Variants in THSD4 observed in about 807,000 individuals in gnomAD.
THSD4 encodes thrombospondin type-1 domain-containing protein 4.
In THSD4, 69 loss-of-function variants were observed where a neutral mutation model predicts 119.0. That is an observed-to-expected ratio of 0.58 (90% confidence interval 0.48 to 0.71). THSD4 has a LOEUF of 0.71. Ranked by LOEUF, THSD4 falls within the 30% of genes least tolerant of loss-of-function variation. The probability of loss-of-function intolerance (pLI) is 0.00; values close to 1 mark genes in which losing one functional copy is unlikely to be tolerated. For synonymous variants in THSD4, 524 were observed against 540.4 expected (o/e 0.97, Z 0.42); for missense variants, 1,393 against 1,391.1 (o/e 1.00, Z -0.02).
rs190533479 is a variant in THSD4 at position 71,412,498 on chromosome 15, A to G, written c.1152+675A>G. On this transcript the variant is annotated intron_variant, in intron 7 of 17. Transcript: ENST00000261862. ...TACATTAATTTGCGCTTGGACTTCTACCCTCCTTTCATCTACGTATGTATT... is the reference window on the plus strand; with the variant it reads ...TACATTAATTTGCGCTTGGACTTCTGCCCTCCTTTCATCTACGTATGTATT... Among the ~76,000 whole-genome samples the G allele has an allele frequency of 1.8e-3, 276 of 152,240 alleles. 5 individuals are homozygous for G. The highest frequency in any genetic ancestry group is 0.017 in the Admixed American group (260 of 15,292).
intron 7 of THSD4, among the ~76,000 whole-genome samples, chr15:71,641,662 C>T (rs1481726621): frequency 1.3e-5 from 2 of 152,124 alleles, no homozygotes; most frequent in Non-Finnish European, 2.9e-5. Context: ...GTGATTTTCA[C>T]TGTTTTAACA....
At position 71,251,579 on chromosome 15, in the gene THSD4, C is replaced by T. The variant is rs113738390; in HGVS notation, c.913-5034C>T. ...TTAAAAGGTTTCATGACTGTGGTGACATTAAATACATCATATGTTGCTATG... is the reference window on the plus strand; with the variant it reads ...TTAAAAGGTTTCATGACTGTGGTGATATTAAATACATCATATGTTGCTATG... On this transcript the variant is annotated intron_variant, in intron 5 of 17. Coordinates refer to ENST00000261862, the MANE Select transcript of THSD4 (RefSeq NM_024817.3). 7.6e-4 allele frequency among the ~76,000 whole-genome samples: 115 copies of T among 152,278 alleles called. 1 individual carries two copies. Among genetic ancestry groups the T allele is most frequent in the African/African-American group, 2.5e-3 (105 of 41,552 alleles).
intron 6 of THSD4, among the ~76,000 whole-genome samples, chr15:71,352,031 A>G (rs2045749743): frequency 6.6e-6 from 1 of 152,160 alleles, no homozygotes; most frequent in Non-Finnish European, 1.5e-5. Context: ...TCAACCCTGT[A>G]CTCTCACATC....
At chr15:71,426,199 G>A (rs1468654636) in intron 7 of THSD4, among the ~76,000 whole-genome samples, 1 of 152,098 alleles carries the variant, frequency 6.6e-6, no homozygotes, top group Non-Finnish European at 1.5e-5. Flanking sequence ...CCCCCAGCTG[G>A]GACACCACTT....
At chr15:71,536,037 T>C (rs558362928) in intron 7 of THSD4, among the ~76,000 whole-genome samples, 27 of 152,218 alleles carry the variant, frequency 1.8e-4, no homozygotes, top group Non-Finnish European at 3.1e-4. Flanking sequence ...TGTGTTTCCT[T>C]CTAAGAGTTT....
chr15:71,100,446 A>G (rs944195429), intron 1 of THSD4, among the ~76,000 whole-genome samples: 1 of 152,136 alleles, frequency 6.6e-6, no homozygotes, highest in Non-Finnish European at 1.5e-5. Flanking sequence ...CAAGCTTAGA[A>G]TCAGATTTTT....
intron 7 of THSD4, among the ~76,000 whole-genome samples, chr15:71,597,596 T>A (rs2049928224): frequency 6.6e-6 from 1 of 152,220 alleles, no homozygotes; most frequent in Non-Finnish European, 1.5e-5. Flanking sequence ...AAGAAAGCAC[T>A]TTTAATACTT....
chr15:71,307,519 T>C (rs112309371), intron 6 of THSD4, among the ~76,000 whole-genome samples: 3 of 152,140 alleles, frequency 2.0e-5, no homozygotes, highest in African/African-American at 7.2e-5. Flanking sequence ...CGCCTGTAAT[T>C]CCAGCACTTT....
intron 8 of THSD4, among the ~76,000 whole-genome samples, chr15:71,693,558 A>T (rs1223369243): frequency 6.6e-6 from 1 of 152,068 alleles, no homozygotes; most frequent in Admixed American, 6.6e-5. Flanking sequence ...AGGTGAGAGG[A>T]TGGCTTTGAG....
At chr15:71,548,126 C>A (rs1270195917) in intron 7 of THSD4, among the ~76,000 whole-genome samples, 2 of 147,946 alleles carry the variant, frequency 1.4e-5, no homozygotes, top group Non-Finnish European at 3.0e-5. Flanking sequence ...ATCAGTGATA[C>A]CTCCTGGAGT....
chr15:71,346,983 C>T (rs1566949212), intron 6 of THSD4, among the ~76,000 whole-genome samples: 3 of 147,394 alleles, frequency 2.0e-5, no homozygotes, highest in South Asian at 2.2e-4. Flanking sequence ...AAGCAATTCT[C>T]CTGCCTCCGC....
rs570593610 is a variant in THSD4, at chr15:71,722,147, G to T, written c.1358-6402G>T. On this transcript the variant is annotated intron_variant, in intron 8 of 17. Transcript: ENST00000261862. ...CTGCACCTTTTTGTGAGGTAGTTCT[G>T]GATGCCATTCCTAGCCCTGGAACTG... is the stretch of plus-strand genomic sequence containing the variant. Among the ~76,000 whole-genome samples the T allele has an allele frequency of 2.0e-5, 3 of 152,262 alleles. No homozygotes were observed. In the East Asian group the frequency reaches 5.8e-4, roughly 29 times the overall value.
chr15:71,464,567 T>A (rs2047474126), intron 7 of THSD4, among the ~76,000 whole-genome samples: 1 of 152,216 alleles, frequency 6.6e-6, no homozygotes, highest in South Asian at 2.1e-4. Flanking sequence ...TACCCAATTT[T>A]CTTGCCCTGA....
chr15:71,172,988 C>T (rs2043397095), intron 3 of THSD4, among the ~76,000 whole-genome samples: 1 of 151,746 alleles, frequency 6.6e-6, no homozygotes, highest in African/African-American at 2.4e-5. Context: ...CCACTTTTGC[C>T]ACTTCTATTT....
At chr15:71,377,871 C>CACACACACACACACACACACACACAA (rs1566961300) in intron 6 of THSD4, among the ~76,000 whole-genome samples, 2 of 35,418 alleles carry the variant, frequency 5.6e-5, no homozygotes. Context: ...ATCCACAACA[C>CACACACACACACACACACACACACAA]ACACACACAC....
At chr15:71,582,149 A>G (rs1427687521) in intron 7 of THSD4, among the ~76,000 whole-genome samples, 1 of 151,840 alleles carries the variant, frequency 6.6e-6, no homozygotes, top group African/African-American at 2.4e-5. Flanking sequence ...CTTTCTATTT[A>G]TTTGTCTTCT....
intron 7 of THSD4, among the ~76,000 whole-genome samples, chr15:71,628,537 C>G (rs1225551931): frequency 6.6e-6 from 1 of 152,174 alleles, no homozygotes; most frequent in East Asian, 1.9e-4. Flanking sequence ...CTTTGGGACG[C>G]ATACACGAGT....
intron 5 of THSD4, among the ~76,000 whole-genome samples, chr15:71,246,886 C>CTTTTTT (rs67700872): frequency 8.7e-6 from 1 of 114,508 alleles, no homozygotes; most frequent in African/African-American, 3.4e-5. Flanking sequence ...GGTCCAAAGT[C>CTTTTTT]TTTTTTTTTT....
chr15:71,535,981 T>TA (rs2048684292), intron 7 of THSD4, among the ~76,000 whole-genome samples: 1 of 152,228 alleles, frequency 6.6e-6, no homozygotes, highest in Non-Finnish European at 1.5e-5. Flanking sequence ...CTTTTGGTGT[T>TA]ACACCTATAA....
Sources: gnomAD v4.1 joint callset for allele counts (sites outside exome capture counted in the v4.1 genomes callset) on GRCh38, gnomAD v4.1.1 for gene constraint, MANE v1.5 for transcripts, NCBI Gene and HGNC (gene_info 2026-07-23, HGNC 2026-07-21) for gene names.